CFTR: variants seen among roughly 807,000 people sequenced by gnomAD.
The protein encoded by CFTR is cystic fibrosis transmembrane conductance regulator.
In CFTR, 181 loss-of-function variants were observed where a neutral mutation model predicts 171.6. The observed-to-expected ratio is 1.05, with a 90% CI of 0.93 to 1.19. The LOEUF (loss-of-function observed/expected upper bound fraction) is 1.19. Among genes scored for constraint, CFTR ranks in the 50% most tolerant of loss-of-function variants. The pLI is 0.00. For missense variants in CFTR, 1,968 were observed against 1,734.7 expected (o/e 1.13, Z -2.39); for synonymous variants, 583 against 608.0 (o/e 0.96, Z 0.60).
chr7:117,632,850 C>G (rs1220119583), intron 22 of CFTR, among the ~76,000 whole-genome samples: 1 of 152,144 alleles, frequency 6.6e-6, no homozygotes, highest in Non-Finnish European at 1.5e-5. Context: ...TTAAAGAGAA[C>G]CTTTGAGCAC....
intron 22 of CFTR, among the ~76,000 whole-genome samples, chr7:117,637,000 A>G (rs1450026417): frequency 1.3e-5 from 2 of 151,872 alleles, no homozygotes; most frequent in African/African-American, 2.4e-5. Context: ...TATTTTTAGT[A>G]GAGATGGGGT....
intron 24 of CFTR, among the ~76,000 whole-genome samples, chr7:117,660,196 T>G (rs1793249159): frequency 6.6e-6 from 1 of 152,216 alleles, no homozygotes; most frequent in South Asian, 2.1e-4. Context: ...TTATTTATTT[T>G]TAATGCTACG....
chr7:117,573,127 A>T (rs183546753), intron 11 of CFTR, among the ~76,000 whole-genome samples: 85 of 152,166 alleles, frequency 5.6e-4, no homozygotes, highest in African/African-American at 1.9e-3. Flanking sequence ...TGCAAATCAG[A>T]GTTAATAAGC....
At chr7:117,553,319 A>G (rs1471126100) in intron 10 of CFTR, among the ~76,000 whole-genome samples, 2 of 152,200 alleles carry the variant, frequency 1.3e-5, no homozygotes, top group Non-Finnish European at 2.9e-5. Context: ...ATGAATCACT[A>G]TTGATTGACA....
In CFTR at chr7:117,668,500, C is replaced by T. The variant is rs143911642; in HGVS notation, c.*1392C>T. ...ACAGCTGTATGATTCCCAGCCAGCA[C>T]AGCCTCTTAGATGCAGTTCTGAAGA... is the stretch of plus-strand genomic sequence containing the variant. On this transcript the variant is annotated 3_prime_UTR_variant, in exon 27 of 27. Transcript: ENST00000003084. The T allele has an allele frequency of 1.3e-5, 2 of 152,650 alleles. No homozygotes were observed. The highest frequency in any genetic ancestry group is 2.9e-5 in the Non-Finnish European group (2 of 68,042). The allele number at this position is 152,650 out of a possible 1,614,324, so 9.5% of individuals were successfully genotyped here. A position where few individuals can be genotyped will look rare whatever the true frequency, so the allele number is the denominator to read the frequency against.
Position 117,504,350 on chromosome 7 carries a change from G to GA in CFTR, c.156dup (p.Leu53IlefsTer7), listed in dbSNP as rs1346705436. On this transcript the variant is annotated frameshift_variant, in exon 2 of 27. Coordinates refer to ENST00000003084, the MANE Select transcript of CFTR (RefSeq NM_000492.4). LOFTEE classifies it high-confidence loss of function. ...TGTTGATTCTGCTGACAATCTATCT[G>GA]AAAAATTGGAAAGGTATGTTCATGT... 1 of 1,557,088 alleles carries GA rather than the reference G, an allele frequency of 6.4e-7. No homozygotes were observed. The highest frequency in any genetic ancestry group is 1.7e-5 in the Admixed American group (1 of 59,922).
At chr7:117,661,385 T>C (rs191540863) in intron 24 of CFTR, among the ~76,000 whole-genome samples, 1 of 152,362 alleles carries the variant, frequency 6.6e-6, no homozygotes, top group East Asian at 1.9e-4. Flanking sequence ...TGTTTACTTC[T>C]AATAAAGAAT....
At chr7:117,658,734 G>C (rs1462157728) in intron 24 of CFTR, among the ~76,000 whole-genome samples, 1 of 152,088 alleles carries the variant, frequency 6.6e-6, no homozygotes, top group Admixed American at 6.6e-5. Flanking sequence ...GTCACATCCT[G>C]TCAATGCTGT....
chr7:117,590,454 T>A lies in CFTR; in HGVS notation c.1766+15T>A. The A allele has an allele frequency of 6.3e-7, 1 of 1,596,228 alleles. No individual in the cohort carries two copies. Among genetic ancestry groups the A allele is most frequent in the Non-Finnish European group, 8.6e-7 (1 of 1,168,070 alleles). On this transcript the variant is annotated intron_variant, in intron 13 of 26. Transcript: ENST00000003084. ...ATATTTGAAAGGTATGTTCTTTGAATACCTTACTTATAATGCTCATGCTAA... is the reference window on the plus strand; with the variant it reads ...ATATTTGAAAGGTATGTTCTTTGAAAACCTTACTTATAATGCTCATGCTAA...
At chr7:117,526,476 T>C (rs1798781385) in intron 3 of CFTR, among the ~76,000 whole-genome samples, 1 of 29,824 alleles carries the variant, frequency 3.4e-5, no homozygotes, top group Admixed American at 3.8e-4. Flanking sequence ...AGCAAACACA[T>C]TCAAAAGCTA....
intron 24 of CFTR, among the ~76,000 whole-genome samples, chr7:117,656,810 CCT>C (rs1793190407): frequency 6.6e-6 from 1 of 152,134 alleles, no homozygotes; most frequent in Non-Finnish European, 1.5e-5. Flanking sequence ...CGCTTTTGGT[CCT>C]TTTAGCCCAA....
At chr7:117,601,894 T>C (rs1792231743) in intron 15 of CFTR, among the ~76,000 whole-genome samples, 2 of 152,260 alleles carry the variant, frequency 1.3e-5, no homozygotes, top group South Asian at 4.1e-4. Context: ...TGTTTATATA[T>C]GGTGCAGAAC....
intron 2 of CFTR, among the ~76,000 whole-genome samples, chr7:117,505,517 A>G (rs1798400562): frequency 6.6e-6 from 1 of 152,114 alleles, no homozygotes; most frequent in Non-Finnish European, 1.5e-5. Flanking sequence ...AGCTTTCTAC[A>G]TAAAGTGGGT....
chr7:117,489,749 G>T (rs1345824135), intron 1 of CFTR, among the ~76,000 whole-genome samples: 2 of 151,598 alleles, frequency 1.3e-5, no homozygotes, highest in Non-Finnish European at 2.9e-5. Context: ...TGACAGCCCA[G>T]GATCATGTTC....
intron 24 of CFTR, among the ~76,000 whole-genome samples, chr7:117,660,416 G>A (rs1006390710): frequency 7.2e-5 from 11 of 152,088 alleles, no homozygotes; most frequent in Non-Finnish European, 1.3e-4. Context: ...TGGATCACCT[G>A]AGGTCAGGAG....
intron 18 of CFTR, among the ~76,000 whole-genome samples, chr7:117,607,946 CA>C: frequency 6.6e-6 from 1 of 152,068 alleles, no homozygotes; most frequent in Admixed American, 6.5e-5. Context: ...TAAATGCTGA[CA>C]TTTGTTTTTC....
chr7:117,590,564 T>A, intron 13 of CFTR, 125 bp downstream of exon 13: 2 of 1,201,834 alleles, frequency 1.7e-6, no homozygotes, highest in Non-Finnish European at 1.1e-6. Context: ...TGGCAGAATG[T>A]AGCATGGTAT....
At chr7:117,484,772 A>C (rs1369678886) in intron 1 of CFTR, among the ~76,000 whole-genome samples, 1 of 151,620 alleles carries the variant, frequency 6.6e-6, no homozygotes, top group Non-Finnish European at 1.5e-5. Flanking sequence ...TAATTTTGCA[A>C]ATTTTAAAAA....
At chr7:117,492,866 T>A (rs889921530) in intron 1 of CFTR, among the ~76,000 whole-genome samples, 9 of 152,036 alleles carry the variant, frequency 5.9e-5, no homozygotes, top group African/African-American at 2.2e-4. Context: ...ACTATTTCAA[T>A]GCATTTGAGG....
Sources: gnomAD v4.1 joint callset for allele counts (sites outside exome capture counted in the v4.1 genomes callset) on GRCh38, gnomAD v4.1.1 for gene constraint, MANE v1.5 for transcripts, NCBI Gene and HGNC (gene_info 2026-07-23, HGNC 2026-07-21) for gene names.